The following IGF1 variants were observed in gnomAD, a reference collection of about 807,000 sequenced individuals.
The protein encoded by IGF1 is insulin like growth factor 1.
IGF1 carries 4 observed loss-of-function variants against 13.8 expected under a neutral mutation model. The observed-to-expected ratio is 0.29, with a 90% CI of 0.14 to 0.66. IGF1 has a LOEUF of 0.66. IGF1 is among the 30% of genes least tolerant of loss of function. The pLI is 0.78. For synonymous variants in IGF1, 76 were observed against 72.6 expected, an observed-to-expected ratio of 1.05 and a Z score of -0.23; for missense variants, 124 against 188.5, an observed-to-expected ratio of 0.66 and a Z score of 2.00.
intron 2 of IGF1, among the ~76,000 whole-genome samples, chr12:102,429,790 C>T (rs887591039): frequency 2.0e-5 from 3 of 152,142 alleles, no homozygotes; most frequent in South Asian, 2.1e-4. Flanking sequence ...CTGTGAATGG[C>T]CACATCACTC....
chr12:102,481,098 A>C (rs1470054376), upstream of IGF1, among the ~76,000 whole-genome samples: 2 of 152,148 alleles, frequency 1.3e-5, no homozygotes, highest in African/African-American at 4.8e-5. Flanking sequence ...GTGTGATCTC[A>C]TTTCCTAGAA....
chr12:102,419,417 G>A, intron 3 of IGF1, 92 bp downstream of exon 3: 1 of 1,262,348 alleles, frequency 7.9e-7, no homozygotes, highest in Non-Finnish European at 1.1e-6. Context: ...TGTAAGCCAG[G>A]AGACTATGGG....
intron 3 of IGF1, among the ~76,000 whole-genome samples, chr12:102,404,478 G>T (rs1873963469): frequency 6.6e-6 from 1 of 152,192 alleles, no homozygotes; most frequent in Non-Finnish European, 1.5e-5. Flanking sequence ...AAGGTAGCTA[G>T]TGTTTTATGA....
intron 2 of IGF1, chr12:102,462,898 A>G (rs999256511): frequency 6.6e-6 from 1 of 152,208 alleles, no homozygotes; most frequent in East Asian, 1.9e-4. Flanking sequence ...ACAAACTCAC[A>G]GTGAAATGGT....
chr12:102,406,427 A>G (rs1486879902), intron 3 of IGF1, among the ~76,000 whole-genome samples: 4 of 152,208 alleles, frequency 2.6e-5, no homozygotes, highest in African/African-American at 7.2e-5. Context: ...AGCTTGTCCA[A>G]TACAAACAAA....
intron 2 of IGF1, among the ~76,000 whole-genome samples, chr12:102,456,122 C>T (rs551693716): frequency 3.3e-5 from 5 of 152,046 alleles, no homozygotes; most frequent in East Asian, 1.9e-4. Context: ...TGGAGGAGGG[C>T]GTAGTGGCCA....
At chr12:102,408,858 T>C (rs1295671314) in intron 3 of IGF1, among the ~76,000 whole-genome samples, 1 of 152,202 alleles carries the variant, frequency 6.6e-6, no homozygotes, top group Non-Finnish European at 1.5e-5. Flanking sequence ...CTCTCTCTCC[T>C]TCCCTTGGGG....
chr12:102,443,253 A>G (rs1309753531), intron 2 of IGF1, among the ~76,000 whole-genome samples: 1 of 152,148 alleles, frequency 6.6e-6, no homozygotes, highest in Non-Finnish European at 1.5e-5. Context: ...TTCAAGTTCT[A>G]GGAAATGAAA....
chr12:102,472,809 C>T (rs1880768513), intron 2 of IGF1, among the ~76,000 whole-genome samples: 1 of 152,108 alleles, frequency 6.6e-6, no homozygotes, highest in African/African-American at 2.4e-5. Context: ...AGACACAAAA[C>T]AGACATCAAT....
intron 2 of IGF1, chr12:102,463,048 A>C (rs1880041385): frequency 6.6e-6 from 1 of 152,228 alleles, no homozygotes; most frequent in African/African-American, 2.4e-5. Context: ...ACCATATTAG[A>C]TAAAGTCGCA....
chr12:102,441,906 G>GCTGCTGCTTCTTCTTCTTCTT, intron 2 of IGF1, among the ~76,000 whole-genome samples: 1,234 of 100,104 alleles, frequency 0.012, 92 homozygotes, highest in South Asian at 0.016. Flanking sequence ...CTATTACACT[G>GCTGCTGCTTCTTCTTCTTCTT]CTTCTTCTCC....
chr12:102,397,154 A>T lies in IGF1; in HGVS notation c.*5353T>A, dbSNP rs1408592228. On this transcript the variant is annotated 3_prime_UTR_variant, in exon 4 of 4. Transcript: ENST00000337514. ...GAGGTGGAGGTTGCAGTGAGCCGAGATCATGCCACTGCACTCCAGCCTGGG... is the reference window on the plus strand; with the variant it reads ...GAGGTGGAGGTTGCAGTGAGCCGAGTTCATGCCACTGCACTCCAGCCTGGG... 3.8e-6 allele frequency: 1 copy of T among 260,160 alleles called. No homozygotes were observed. The highest frequency in any genetic ancestry group is 2.2e-5 in the African/African-American group (1 of 45,178). The allele number at this position is 260,160 out of a possible 1,614,324, so 16.1% of individuals were successfully genotyped here.
chr12:102,422,105 T>C (rs1480904144), intron 2 of IGF1, among the ~76,000 whole-genome samples: 4 of 152,222 alleles, frequency 2.6e-5, no homozygotes, highest in African/African-American at 9.6e-5. Flanking sequence ...TCAGTCAAAC[T>C]CTAAGCTCAT....
At chr12:102,469,950 T>TA (rs763652711) in intron 2 of IGF1, among the ~76,000 whole-genome samples, 9 of 152,102 alleles carry the variant, frequency 5.9e-5, no homozygotes, top group Non-Finnish European at 1.0e-4. Flanking sequence ...ACATAATTCT[T>TA]ACTACTCATA....
chr12:102,453,628 T>C (rs1879141993), intron 2 of IGF1, among the ~76,000 whole-genome samples: 1 of 152,196 alleles, frequency 6.6e-6, no homozygotes, highest in Admixed American at 6.5e-5. Flanking sequence ...TCTCTTATGA[T>C]GAAGTTGGAA....
chr12:102,446,564 G>T lies in IGF1; in HGVS notation c.221-26874C>A, dbSNP rs555480414. Among the ~76,000 whole-genome samples, 5 of 152,212 alleles carry T rather than the reference G, an allele frequency of 3.3e-5. No individual in the cohort carries two copies. The East Asian group carries it at 9.6e-4, about 29-fold the overall frequency. On this transcript the variant is annotated intron_variant, in intron 2 of 3. Transcript: ENST00000337514. ...AGTTTGTATTTCTGTGGGATCGGTG[G>T]TGATACCCCCTTTATCATTTTTTAT...
At chr12:102,467,289 C>T (rs1459722498) in intron 2 of IGF1, among the ~76,000 whole-genome samples, 3 of 151,956 alleles carry the variant, frequency 2.0e-5, no homozygotes, top group Non-Finnish European at 4.4e-5. Context: ...AGAAGAAAAC[C>T]AGAAGAGATT....
intron 2 of IGF1, among the ~76,000 whole-genome samples, chr12:102,452,218 C>G (rs1276130027): frequency 4.5e-5 from 6 of 134,540 alleles, no homozygotes; most frequent in Non-Finnish European, 6.2e-5. Flanking sequence ...GCCGAGATCG[C>G]GCCACTGCAC....
At chr12:102,448,440 C>T (rs183979209) in intron 2 of IGF1, among the ~76,000 whole-genome samples, 4,467 of 144,666 alleles carry the variant, frequency 0.031, 270 homozygotes, top group East Asian at 0.27. Flanking sequence ...ATCGCAAGAA[C>T]AAAAAACCAA....
Sources: gnomAD v4.1 joint callset for allele counts (sites outside exome capture counted in the v4.1 genomes callset) on GRCh38, gnomAD v4.1.1 for gene constraint, MANE v1.5 for transcripts, NCBI Gene and HGNC (gene_info 2026-07-23, HGNC 2026-07-21) for gene names.